The following ADAMTS2 variants were observed in gnomAD, a reference collection of about 807,000 sequenced individuals.
The protein encoded by ADAMTS2 is A disintegrin and metalloproteinase with thrombospondin motifs 2.
A neutral mutation model predicts 123.0 loss-of-function variants in ADAMTS2; 50 were observed. The observed-to-expected ratio is 0.41, with a 90% CI of 0.32 to 0.51. The LOEUF is 0.51. ADAMTS2 is among the 20% of genes least tolerant of loss of function. ADAMTS2 has a pLI of 0.35. For missense variants in ADAMTS2, 1,494 were observed against 1,705.2 expected, an observed-to-expected ratio of 0.88 and a Z score of 2.18; for synonymous variants, 678 against 695.4, an observed-to-expected ratio of 0.98 and a Z score of 0.39.
intron 3 of ADAMTS2, among the ~76,000 whole-genome samples, chr5:179,269,432 G>A (rs1373594443): frequency 6.6e-6 from 1 of 152,156 alleles, no homozygotes; most frequent in African/African-American, 2.4e-5. Context: ...GAAGATGAAA[G>A]GCACGTCTCA....
At chr5:179,280,564 G>A (rs1581243150) in intron 2 of ADAMTS2, among the ~76,000 whole-genome samples, 1 of 152,178 alleles carries the variant, frequency 6.6e-6, no homozygotes, top group African/African-American at 2.4e-5. Flanking sequence ...CCAAAAACCA[G>A]AAACCCACTC....
intron 2 of ADAMTS2, among the ~76,000 whole-genome samples, chr5:179,340,831 G>A (rs562084016): frequency 6.6e-6 from 1 of 152,276 alleles, no homozygotes; most frequent in East Asian, 1.9e-4. Context: ...TTCTCACTGG[G>A]TTTTTAATGG....
In ADAMTS2 at chr5:179,303,609, G is replaced by A. The variant is rs929436279; in HGVS notation, c.535-30545C>T. Among the ~76,000 whole-genome samples the A allele has an allele frequency of 6.6e-6, 1 of 152,186 alleles. No individual in the cohort carries two copies. The highest frequency in any genetic ancestry group is 6.5e-5 in the Admixed American group (1 of 15,284). ...AAGGATAGAAAAAGCATTTCCGAAT[G>A]CTCAGAGCCAAGCCAACACCTCATT... On this transcript the variant is annotated intron_variant, in intron 2 of 21. Transcript: ENST00000251582. The surrounding 1 kb of genome is among the most constrained non-coding windows in gnomAD (Gnocchi z 4.7).
At chr5:179,250,191 C>T (rs1765886031) in intron 3 of ADAMTS2, among the ~76,000 whole-genome samples, 1 of 152,164 alleles carries the variant, frequency 6.6e-6, no homozygotes, top group South Asian at 2.1e-4. Context: ...AGGGAAATTC[C>T]TCAGCATGAT....
chr5:179,280,361 A>G (rs961421327), intron 2 of ADAMTS2, among the ~76,000 whole-genome samples: 6 of 152,176 alleles, frequency 3.9e-5, no homozygotes, highest in African/African-American at 1.4e-4. Context: ...CTGGTTTCCA[A>G]TGCGGTCATG....
chr5:179,199,631 G>A (rs1764515701), intron 4 of ADAMTS2, among the ~76,000 whole-genome samples: 3 of 152,208 alleles, frequency 2.0e-5, no homozygotes, highest in Admixed American at 6.5e-5. Flanking sequence ...TCCTGCTGGG[G>A]GTGCACTCAC....
chr5:179,135,779 G>A (rs552680389), intron 13 of ADAMTS2, 130 bp downstream of exon 13: 26 of 1,395,088 alleles, frequency 1.9e-5, no homozygotes, highest in Admixed American at 5.8e-5. Flanking sequence ...GCCCTGGTCC[G>A]GGCATTGTTT....
At chr5:179,338,456 T>C (rs904327533) in intron 2 of ADAMTS2, among the ~76,000 whole-genome samples, 2 of 152,200 alleles carry the variant, frequency 1.3e-5, no homozygotes, top group African/African-American at 4.8e-5. Context: ...GCTGCACTGC[T>C]GGATCCCTCA....
At position 179,202,707 on chromosome 5, in the gene ADAMTS2, C is replaced by T. The variant is rs1764596696; in HGVS notation, c.891+4806G>A. Among the ~76,000 whole-genome samples the T allele has an allele frequency of 6.6e-6, 1 of 152,086 alleles. No individual in the cohort carries two copies. The highest frequency in any genetic ancestry group is 2.1e-4 in the South Asian group (1 of 4,822). On this transcript the variant is annotated intron_variant, in intron 4 of 21. Coordinates refer to ENST00000251582, the MANE Select transcript of ADAMTS2 (RefSeq NM_014244.5). This position sits in a 1 kb window ranked among gnomAD's most constrained non-coding sequence, Gnocchi z 4.0. ...CCCATCTCAGCAGCTGAACACAATA[C>T]ACCGCACACCGTGTTTCCTTACTCA...
Position 179,129,797 on chromosome 5 carries a change from G to T in ADAMTS2, c.2457+135C>A. 3.3e-6 allele frequency: 4 copies of T among 1,199,424 alleles called. No individual in the cohort carries two copies. Among genetic ancestry groups the T allele is most frequent in the African/African-American group, 1.5e-5 (1 of 66,624 alleles). 74.3% of individuals were successfully genotyped at this position (1,199,424 alleles called of 1,614,324 possible). On this transcript the variant is annotated intron_variant, in intron 16 of 21. Transcript: ENST00000251582. The surrounding 1 kb of genome is among the most constrained non-coding windows in gnomAD (Gnocchi z 4.1). The stretch of plus-strand genomic sequence containing the variant: ...GGCTCTGACCAAGTCGGAGCCCCTT[G>T]GTGCCAAAGGCAGGCCAAAGGGGCC...
At position 179,154,035 on chromosome 5, in the gene ADAMTS2, T is replaced by G. The variant is rs769915856; in HGVS notation, c.1382+14A>C. ...ACTGAGGGGTCGCCCACGGGGCACA[T>G]GGGCAGTACTCACTGCAGGTAGCGG... On this transcript the variant is annotated intron_variant, in intron 8 of 21. Transcript: ENST00000251582. 3.4e-5 allele frequency: 54 copies of G among 1,595,416 alleles called. No homozygotes were observed. The highest frequency in any genetic ancestry group is 1.0e-5 in the Non-Finnish European group (12 of 1,174,470).
Position 179,125,999 on chromosome 5 carries a change from C to T in ADAMTS2, c.2749G>A (p.Val917Met), listed in dbSNP as rs769062409. ...GGAGCCCGAGCTGGGGGCACTCACACTGGCTGGGAGCATTCCTGTGGGTTG... is the reference window on the plus strand; with the variant it reads ...GGAGCCCGAGCTGGGGGCACTCACATTGGCTGGGAGCATTCCTGTGGGTTG... ...ACNPQECSQP[V>M]WVTGEWEPCS... The change falls in exon 18 of 22, where the codon GTG (valine) becomes ATG (methionine). Residue 917 changes from valine to methionine, a missense_variant and splice_region_variant. Transcript: ENST00000251582. 6.2e-6 allele frequency: 10 copies of T among 1,613,460 alleles called. 1 individual carries two copies. The South Asian group carries it at 9.9e-5, about 16-fold the overall frequency.
rs1352171577 is a variant in ADAMTS2, at chr5:179,228,741, G to A, written c.689-21026C>T. Among the ~76,000 whole-genome samples, 1 of 152,204 alleles carries A rather than the reference G, an allele frequency of 6.6e-6. No homozygotes were observed. The highest frequency in any genetic ancestry group is 1.5e-5 in the Non-Finnish European group (1 of 68,034). ...ACATCCACTGCCTGCGGAGCATCTG[G>A]GGAAGGCTCCTGTGGGGCTCCAGAC... On this transcript the variant is annotated intron_variant, in intron 3 of 21. Transcript: ENST00000251582. The surrounding 1 kb of genome is among the most constrained non-coding windows in gnomAD (Gnocchi z 5.2).
intron 3 of ADAMTS2, among the ~76,000 whole-genome samples, chr5:179,269,681 C>T (rs1193526385): frequency 6.6e-6 from 1 of 152,138 alleles, no homozygotes; most frequent in Admixed American, 6.5e-5. Flanking sequence ...TTTCAAGCTC[C>T]GTGAGGACTC....
rs1581138661 is a variant in ADAMTS2 at position 179,125,013 on chromosome 5, T to C, written c.2918A>G (p.Glu973Gly). 1 of 1,606,812 alleles carries C rather than the reference T, an allele frequency of 6.2e-7. No homozygotes were observed. Among genetic ancestry groups the C allele is most frequent in the South Asian group, 1.1e-5 (1 of 90,330 alleles). The change falls in exon 19 of 22, where the codon GAG becomes GGG. Residue 973 changes from glutamate (E) to glycine (G), a missense_variant. Glu to Gly is a moderately conservative substitution (Grantham distance 98). Around this residue, in one of 6 missense-constraint regions of ADAMTS2, gnomAD observed 953 missense variants for 1,124.7 expected, o/e 0.85. Coordinates refer to ENST00000251582, the MANE Select transcript of ADAMTS2 (RefSeq NM_014244.5). ...RPESRRACSRELCPGRWRAGP... is the reference protein window; with the variant it reads ...RPESRRACSRGLCPGRWRAGP... Reference sequence around the variant, plus strand: ...GGCTCGCCAACGACCAGGGCAGAGCTCGCGGCTGCAGGCCCGGCGGCTCTC... The same window carrying C: ...GGCTCGCCAACGACCAGGGCAGAGCCCGCGGCTGCAGGCCCGGCGGCTCTC...
chr5:179,293,584 C>A (rs969253934), intron 2 of ADAMTS2, among the ~76,000 whole-genome samples: 3 of 151,722 alleles, frequency 2.0e-5, no homozygotes, highest in Non-Finnish European at 2.9e-5. Flanking sequence ...CCAAGACAAG[C>A]ACCGGAGTTG....
intron 4 of ADAMTS2, among the ~76,000 whole-genome samples, chr5:179,193,133 G>A (rs1764344319): frequency 6.6e-6 from 1 of 152,164 alleles, no homozygotes; most frequent in Admixed American, 6.5e-5. Flanking sequence ...ACTACCAGGT[G>A]GAGACAGCTG....
At chr5:179,200,310 G>A (rs371861124) in intron 4 of ADAMTS2, among the ~76,000 whole-genome samples, 15 of 143,706 alleles carry the variant, frequency 1.0e-4, no homozygotes, top group East Asian at 8.1e-4. Context: ...GTGCAGTGGC[G>A]TCACCTCAGC....
At chr5:179,282,029 T>C (rs1766926731) in intron 2 of ADAMTS2, among the ~76,000 whole-genome samples, 1 of 152,256 alleles carries the variant, frequency 6.6e-6, no homozygotes, top group Non-Finnish European at 1.5e-5. Context: ...GCTCTTTATA[T>C]ATTCTAGACA....
Sources: gnomAD v4.1 joint callset for allele counts (sites outside exome capture counted in the v4.1 genomes callset) on GRCh38, gnomAD v4.1.1 for gene constraint, gnomAD v4.1.1 regional missense constraint, Gnocchi (gnomAD v3.1) non-coding constraint, MANE v1.5 for transcripts, NCBI Gene and HGNC (gene_info 2026-07-23, HGNC 2026-07-21) for gene names.